The following NTNG1 variants were observed in gnomAD, a reference collection of about 807,000 sequenced individuals.
The protein encoded by NTNG1 is netrin G1, also known as netrin-G1.
Under a neutral mutation model 54.0 loss-of-function variants are expected in NTNG1, and 16 were observed. The observed-to-expected ratio is 0.30, with a 90% CI of 0.20 to 0.45. The LOEUF (loss-of-function observed/expected upper bound fraction) is 0.45, where lower values mean the gene tolerates loss of function less well. Ranked by LOEUF, NTNG1 falls within the 20% of genes least tolerant of loss-of-function variation. The pLI is 1.00. For synonymous variants in NTNG1, 255 were observed against 263.1 expected, an observed-to-expected ratio of 0.97 and a Z score of 0.30; for missense variants, 530 against 678.7, an observed-to-expected ratio of 0.78 and a Z score of 2.43.
chr1:107,434,990 A>G (rs891048948), intron 6 of NTNG1, among the ~76,000 whole-genome samples: 8 of 152,158 alleles, frequency 5.3e-5, no homozygotes, highest in Non-Finnish European at 1.0e-4. Flanking sequence ...GGGATATATT[A>G]TGGTTTAAAT....
rs1030742360 is a variant in NTNG1, at chr1:107,324,308, G to A, written c.273G>A (p.Glu91=). The part of the protein sequence containing the change: ...AMGNPYMCNN[E]CDASTPELAH... ...GCAATCCCTACATGTGCAATAATGA[G>A]TGTGATGCGAGTACCCCTGAGCTGG... is the stretch of plus-strand genomic sequence containing the variant. Residue 91 remains glutamate, a synonymous_variant, in exon 3 of 8, where the codon GAG becomes GAA. Transcript: ENST00000370068. 5.0e-6 allele frequency: 8 copies of A among 1,613,448 alleles called. No homozygotes were observed. The African/African-American group carries it at 9.4e-5, about 19-fold the overall frequency.
intron 2 of NTNG1, among the ~76,000 whole-genome samples, chr1:107,288,797 T>A (rs769185369): frequency 2.2e-4 from 34 of 152,166 alleles, no homozygotes; most frequent in Non-Finnish European, 4.3e-4. Context: ...AATTTATGTA[T>A]TTTGTTCAAA....
At position 107,324,648 on chromosome 1, in the gene NTNG1, A is replaced by G. The variant is rs1165841994; in HGVS notation, c.613A>G (p.Ile205Val). 1 of 1,613,744 alleles carries G rather than the reference A, an allele frequency of 6.2e-7. No homozygotes were observed. Among genetic ancestry groups the G allele is most frequent in the Admixed American group, 1.7e-5 (1 of 59,900 alleles). ...DLSQHTVLEI[I>V]CTEEYSTGYT... ...ATCACAGCATACGGTCTTAGAAATCATTTGCACAGAAGAGTACTCAACAGG... is the reference window on the plus strand; with the variant it reads ...ATCACAGCATACGGTCTTAGAAATCGTTTGCACAGAAGAGTACTCAACAGG... The change falls in exon 3 of 8, where the codon ATT becomes GTT. Residue 205 changes from isoleucine (I) to valine (V), a missense_variant. Around this residue, in one of 2 missense-constraint regions of NTNG1, gnomAD observed 318 missense variants for 465.1 expected, o/e 0.68. Transcript: ENST00000370068.
chr1:107,363,008 G>C (rs1203108175), intron 3 of NTNG1, among the ~76,000 whole-genome samples: 2 of 152,232 alleles, frequency 1.3e-5, no homozygotes, highest in African/African-American at 2.4e-5. Context: ...CATACAGAAG[G>C]CTGGCTGACT....
intron 7 of NTNG1, among the ~76,000 whole-genome samples, chr1:107,462,599 A>G (rs1677344414): frequency 6.6e-6 from 1 of 152,226 alleles, no homozygotes; most frequent in South Asian, 2.1e-4. Flanking sequence ...TTAATGGCGT[A>G]TCAACATGTG....
intron 3 of NTNG1, among the ~76,000 whole-genome samples, chr1:107,361,390 T>TG (rs1670285992): frequency 2.6e-5 from 2 of 77,178 alleles, no homozygotes; most frequent in East Asian, 6.7e-4. Flanking sequence ...TATATATATA[T>TG]ATTTTTTTTT....
intron 2 of NTNG1, among the ~76,000 whole-genome samples, chr1:107,289,607 C>A (rs1032117864): frequency 6.6e-6 from 1 of 152,112 alleles, no homozygotes; most frequent in Non-Finnish European, 1.5e-5. Context: ...TTTCTTCAAC[C>A]CTAGCCCAGG....
rs1436238293 is a variant in NTNG1, at chr1:107,483,374, A to G, written c.*2534A>G. ...ATAAGAATCTAAATTGATGAGGAAT[A>G]TCTTTCATTCCGTGTATTTAGATAT... On this transcript the variant is annotated 3_prime_UTR_variant, in exon 8 of 8. Transcript: ENST00000370068. The G allele has an allele frequency of 6.6e-6, 1 of 152,244 alleles. No homozygotes were observed. Among genetic ancestry groups the G allele is most frequent in the Non-Finnish European group, 1.5e-5 (1 of 68,048 alleles). The allele number at this position is 152,244 out of a possible 1,614,324, so 9.4% of individuals were successfully genotyped here.
intron 3 of NTNG1, among the ~76,000 whole-genome samples, chr1:107,337,628 T>C (rs1245823853): frequency 1.3e-5 from 2 of 151,636 alleles, no homozygotes; most frequent in Non-Finnish European, 2.9e-5. Context: ...ATGTGTATTT[T>C]AACAACAACA....
At chr1:107,219,114 A>ATTTT (rs199656576) in intron 2 of NTNG1, among the ~76,000 whole-genome samples, 9 of 143,784 alleles carry the variant, frequency 6.3e-5, no homozygotes, top group Admixed American at 3.5e-4. Context: ...TTGTTTTTAA[A>ATTTT]TTTTTTTTTT....
At chr1:107,410,222 G>A (rs1473842280) in intron 5 of NTNG1, 1 of 152,140 alleles carries the variant, frequency 6.6e-6, no homozygotes, top group Non-Finnish European at 1.5e-5. Flanking sequence ...TATTATCGAT[G>A]TAGATTATTG....
chr1:107,349,650 G>C (rs753149289), intron 3 of NTNG1, among the ~76,000 whole-genome samples: 17 of 151,962 alleles, frequency 1.1e-4, no homozygotes, highest in Non-Finnish European at 2.1e-4. Flanking sequence ...GCTTTGCTCT[G>C]TAGTTTTAGC....
At chr1:107,336,154 G>T (rs1268759662) in intron 3 of NTNG1, among the ~76,000 whole-genome samples, 1 of 150,588 alleles carries the variant, frequency 6.6e-6, no homozygotes, top group African/African-American at 2.4e-5. Context: ...AATAAAGTTA[G>T]TGGCGTCACT....
At chr1:107,372,030 C>A in intron 3 of NTNG1, among the ~76,000 whole-genome samples, 1 of 151,968 alleles carries the variant, frequency 6.6e-6, no homozygotes, top group East Asian at 1.9e-4. Flanking sequence ...AGTGTATCAC[C>A]TCTCTCATTC....
rs184656967 is a variant in NTNG1, at chr1:107,431,344, T to C, written c.1255+427T>C. Among the ~76,000 whole-genome samples, 472 of 152,240 alleles carry C rather than the reference T, an allele frequency of 3.1e-3. 1 individual carries two copies. Among genetic ancestry groups the C allele is most frequent in the African/African-American group, 0.011 (459 of 41,546 alleles). ...TTAGGGTACAGATTCTTGCATATAA[T>C]TGGTGATCAACGAGTATTGATAGAT... On this transcript the variant is annotated intron_variant, in intron 6 of 7. Coordinates refer to ENST00000370068, the MANE Select transcript of NTNG1 (RefSeq NM_001113226.3).
intron 6 of NTNG1, among the ~76,000 whole-genome samples, chr1:107,433,604 T>C (rs1270131609): frequency 6.6e-6 from 1 of 152,200 alleles, no homozygotes; most frequent in East Asian, 1.9e-4. Context: ...TCACCCACCA[T>C]AATTTCTTAA....
chr1:107,169,711 C>G (rs908778217), intron 2 of NTNG1, among the ~76,000 whole-genome samples: 1 of 152,158 alleles, frequency 6.6e-6, no homozygotes, highest in Non-Finnish European at 1.5e-5. Context: ...GACACAACCC[C>G]CAGGACGCCT....
chr1:107,399,123 T>C (rs1255210698), intron 4 of NTNG1, among the ~76,000 whole-genome samples: 1 of 151,014 alleles, frequency 6.6e-6, no homozygotes, highest in African/African-American at 2.4e-5. Flanking sequence ...TACTATAGAC[T>C]ATTCATATTA....
At chr1:107,367,395 A>C (rs1193553780) in intron 3 of NTNG1, among the ~76,000 whole-genome samples, 1 of 152,192 alleles carries the variant, frequency 6.6e-6, no homozygotes, top group Non-Finnish European at 1.5e-5. Context: ...TGCTTGGTTC[A>C]TGTCAAATAA....
Sources: gnomAD v4.1 joint callset for allele counts (sites outside exome capture counted in the v4.1 genomes callset) on GRCh38, gnomAD v4.1.1 for gene constraint, gnomAD v4.1.1 regional missense constraint, MANE v1.5 for transcripts, NCBI Gene and HGNC (gene_info 2026-07-23, HGNC 2026-07-21) for gene names.